Variants in SUCLA2 observed in about 807,000 individuals in gnomAD.
The protein encoded by SUCLA2 is succinate-CoA ligase ADP-forming subunit beta.
SUCLA2 carries 30 observed loss-of-function variants against 54.8 expected under a neutral mutation model. The ratio of observed to expected loss-of-function variants is 0.55; its 90% CI spans 0.41 to 0.74. The LOEUF is 0.74. Ranked by LOEUF, SUCLA2 falls within the 30% of genes least tolerant of loss-of-function variation. SUCLA2 has a pLI of 0.00. For missense variants in SUCLA2, 476 were observed against 562.9 expected (o/e 0.85, Z 1.56); for synonymous variants, 172 against 188.9 (o/e 0.91, Z 0.74).
chr13:47,948,595 T>C (rs1949753216), intron 10 of SUCLA2, among the ~76,000 whole-genome samples: 1 of 152,042 alleles, frequency 6.6e-6, no homozygotes, highest in South Asian at 2.1e-4. Context: ...GCCAGGATCC[T>C]CCCTTACCCA....
chr13:47,966,912 C>G (rs1026106855), intron 6 of SUCLA2, among the ~76,000 whole-genome samples: 1 of 151,892 alleles, frequency 6.6e-6, no homozygotes, highest in Non-Finnish European at 1.5e-5. Flanking sequence ...CCCAGCTACT[C>G]AAGAGGCTGA....
chr13:47,957,177 T>G (rs1949828111), intron 6 of SUCLA2, among the ~76,000 whole-genome samples: 1 of 152,176 alleles, frequency 6.6e-6, no homozygotes, highest in Non-Finnish European at 1.5e-5. Flanking sequence ...TCTTACACAT[T>G]GTTACATTTT....
At chr13:47,964,819 T>C (rs1167039804) in intron 6 of SUCLA2, among the ~76,000 whole-genome samples, 1 of 152,008 alleles carries the variant, frequency 6.6e-6, no homozygotes, top group Admixed American at 6.6e-5. Flanking sequence ...ATCGTGCCAC[T>C]GCACTCCAGC....
At chr13:47,951,476 A>G (rs754280742) in intron 8 of SUCLA2, among the ~76,000 whole-genome samples, 53 of 152,250 alleles carry the variant, frequency 3.5e-4, no homozygotes, top group Non-Finnish European at 4.9e-4. Flanking sequence ...TGTCATACCT[A>G]TTCCTCTGCC....
intron 2 of SUCLA2, among the ~76,000 whole-genome samples, chr13:47,993,081 A>C (rs7998497): frequency 0.62 from 94,916 of 151,936 alleles, 30,604 homozygotes; most frequent in East Asian, 0.77. Flanking sequence ...AAATACAAAA[A>C]TTAGCCAGGC....
chr13:47,982,442 A>T (rs1175393824), intron 4 of SUCLA2, among the ~76,000 whole-genome samples: 1 of 152,022 alleles, frequency 6.6e-6, no homozygotes, highest in East Asian at 1.9e-4. Context: ...GGGAAAAGGG[A>T]GCTGTTCAAT....
At chr13:47,952,700 T>C (rs910478512) in intron 8 of SUCLA2, among the ~76,000 whole-genome samples, 13 of 151,766 alleles carry the variant, frequency 8.6e-5, no homozygotes, top group African/African-American at 2.9e-4. Flanking sequence ...AGAGAATTCA[T>C]TATGAATTCT....
intron 6 of SUCLA2, among the ~76,000 whole-genome samples, chr13:47,965,183 G>A (rs2137710275): frequency 6.6e-6 from 1 of 151,978 alleles, no homozygotes; most frequent in East Asian, 1.9e-4. Flanking sequence ...AGTAAATATA[G>A]AGGGAATGAT....
At chr13:47,989,050 T>G in intron 2 of SUCLA2, 69 bp from the exon 3 acceptor site, 2 of 1,408,824 alleles carry the variant, frequency 1.4e-6, no homozygotes, top group Non-Finnish European at 2.0e-6. Context: ...TTTTGTTATT[T>G]AACATACATA....
chr13:47,948,323 G>A (rs1306035652), intron 10 of SUCLA2, among the ~76,000 whole-genome samples: 6 of 151,882 alleles, frequency 4.0e-5, no homozygotes, highest in Admixed American at 2.6e-4. Flanking sequence ...TATATTTATC[G>A]AATATATAGA....
chr13:47,973,924 T>C (rs1364870989), intron 4 of SUCLA2, among the ~76,000 whole-genome samples: 2 of 151,836 alleles, frequency 1.3e-5, no homozygotes, highest in Non-Finnish European at 2.9e-5. Flanking sequence ...GAACATCACA[T>C]ACCAGGGCCT....
intron 4 of SUCLA2, among the ~76,000 whole-genome samples, chr13:47,975,454 T>C (rs1379423796): frequency 1.3e-5 from 2 of 152,190 alleles, no homozygotes; most frequent in East Asian, 3.8e-4. Flanking sequence ...CCCAGCCTAA[T>C]TCCACTTTTC....
intron 6 of SUCLA2, among the ~76,000 whole-genome samples, chr13:47,963,086 T>A (rs1367260277): frequency 1.3e-5 from 2 of 152,160 alleles, no homozygotes; most frequent in African/African-American, 4.8e-5. Context: ...GAGACTGAGA[T>A]CCTATCTCCT....
intron 2 of SUCLA2, among the ~76,000 whole-genome samples, chr13:47,996,041 G>A (rs1400701239): frequency 6.6e-6 from 1 of 151,874 alleles, no homozygotes; most frequent in African/African-American, 2.4e-5. Flanking sequence ...AAAGAAACTC[G>A]GGCTGTATGT....
intron 10 of SUCLA2, 73 bp downstream of exon 10, chr13:47,948,867 G>T: frequency 7.6e-7 from 1 of 1,313,604 alleles, no homozygotes; most frequent in Non-Finnish European, 1.1e-6. Flanking sequence ...CAAATTATTA[G>T]CTGTATTAAT....
intron 4 of SUCLA2, among the ~76,000 whole-genome samples, chr13:47,975,073 G>C (rs1489305933): frequency 6.7e-6 from 1 of 149,628 alleles, no homozygotes; most frequent in East Asian, 1.9e-4. Context: ...TTTTTACAAT[G>C]AACATACTAC....
At chr13:47,959,801 G>C (rs4245347) in intron 6 of SUCLA2, among the ~76,000 whole-genome samples, 1 of 151,922 alleles carries the variant, frequency 6.6e-6, no homozygotes, top group Non-Finnish European at 1.5e-5. Context: ...TCTTGATGAA[G>C]GTAAAATAAG....
At chr13:47,966,525 T>TAAAAAAAAAA (rs372783186) in intron 6 of SUCLA2, among the ~76,000 whole-genome samples, 1 of 141,246 alleles carries the variant, frequency 7.1e-6, no homozygotes, top group African/African-American at 2.6e-5. Flanking sequence ...TTGCCGTTTT[T>TAAAAAAAAAA]AAAAAAAAAA....
Position 47,962,531 on chromosome 13 carries a change from T to C in SUCLA2, c.802+6064A>G, listed in dbSNP as rs117132048. Among the ~76,000 whole-genome samples the C allele has an allele frequency of 9.4e-3, 1,433 of 152,236 alleles. 64 individuals are homozygous for C. Among genetic ancestry groups the C allele is most frequent in the Admixed American group, 0.07 (1,073 of 15,288 alleles). On this transcript the variant is annotated intron_variant, in intron 6 of 10. Coordinates refer to ENST00000646932, the MANE Select transcript of SUCLA2 (RefSeq NM_003850.3). ...ACTGAAGATTATTTTGCAGGTAGATTGGTAGAAGCTTATTTTGCAGGTAGA... is the reference window on the plus strand; with the variant it reads ...ACTGAAGATTATTTTGCAGGTAGATCGGTAGAAGCTTATTTTGCAGGTAGA...
Sources: gnomAD v4.1 joint callset for allele counts (sites outside exome capture counted in the v4.1 genomes callset) on GRCh38, gnomAD v4.1.1 for gene constraint, MANE v1.5 for transcripts, NCBI Gene and HGNC (gene_info 2026-07-23, HGNC 2026-07-21) for gene names.